Variants in NLRC5 observed in about 807,000 individuals in gnomAD.
The protein encoded by NLRC5 is protein NLRC5.
NLRC5 carries 114 observed loss-of-function variants against 206.9 expected under a neutral mutation model. The ratio of observed to expected loss-of-function variants is 0.55; its 90% CI spans 0.47 to 0.64. The LOEUF (loss-of-function observed/expected upper bound fraction) is 0.64. Among genes scored for constraint, NLRC5 ranks in the 30% least tolerant of loss-of-function variants. The pLI is 0.00. For missense variants in NLRC5, 2,008 were observed against 2,305.5 expected (o/e 0.87, Z 2.64); for synonymous variants, 952 against 962.8 (o/e 0.99, Z 0.21).
intron 1 of NLRC5, among the ~76,000 whole-genome samples, chr16:57,011,656 A>C (rs1389550773): frequency 6.6e-6 from 1 of 151,222 alleles, no homozygotes; most frequent in Non-Finnish European, 1.5e-5. Flanking sequence ...CAGGAGTAGG[A>C]GGCTGCATGA....
chr16:57,021,129 C>T, intron 3 of NLRC5, 122 bp downstream of exon 3: 1 of 850,962 alleles, frequency 1.2e-6, no homozygotes, highest in Non-Finnish European at 1.8e-6. Flanking sequence ...GATCTCAACT[C>T]TATATTTCTG....
intron 1 of NLRC5, among the ~76,000 whole-genome samples, chr16:56,991,678 C>CT (rs35559322): frequency 0.33 from 34,385 of 105,326 alleles, 6,075 homozygotes; most frequent in East Asian, 0.44. Context: ...GCCCGGACTC[C>CT]TTTTTTTTTT....
chr16:57,081,264 C>A, intron 47 of NLRC5, 83 bp downstream of exon 47: 1 of 1,342,842 alleles, frequency 7.4e-7, no homozygotes, highest in South Asian at 1.3e-5. Context: ...GGGTCAGTCC[C>A]CTGCCTCCCA....
chr16:57,028,827 T>C (rs1292402639), intron 8 of NLRC5, among the ~76,000 whole-genome samples: 1 of 152,230 alleles, frequency 6.6e-6, no homozygotes, highest in African/African-American at 2.4e-5. Context: ...TGTGCACATG[T>C]ATGCAGCGCA....
intron 11 of NLRC5, among the ~76,000 whole-genome samples, chr16:57,031,745 A>G (rs2143015123): frequency 6.8e-6 from 1 of 147,690 alleles, no homozygotes; most frequent in Middle Eastern, 3.4e-3. Context: ...TTAGACTGGC[A>G]TTACTAGATG....
rs557263259 is a variant in NLRC5 at position 57,061,443 on chromosome 16, C to A, written c.3987-5C>A. Reference sequence around the variant, plus strand: ...CCAGGCTCTGCCCTGGCTTTCTGCCCTCAGGCTAAGTGAGTGCAGCTTCCG... The same window carrying A: ...CCAGGCTCTGCCCTGGCTTTCTGCCATCAGGCTAAGTGAGTGCAGCTTCCG... On this transcript the variant is annotated splice_polypyrimidine_tract_variant and splice_region_variant and intron_variant, in intron 30 of 48. Coordinates refer to ENST00000688547, the MANE Select transcript of NLRC5 (RefSeq NM_001384950.1). 1.1e-5 allele frequency: 17 copies of A among 1,610,668 alleles called. 1 individual carries two copies. The South Asian group carries it at 1.9e-4, about 18-fold the overall frequency.
Position 57,057,665 on chromosome 16 carries a change from G to T in NLRC5, c.3747-400G>T, listed in dbSNP as rs541185157. Among the ~76,000 whole-genome samples, 5 of 152,330 alleles carry T rather than the reference G, an allele frequency of 3.3e-5. No individual in the cohort carries two copies. The South Asian group carries it at 1.0e-3, about 32-fold the overall frequency. On this transcript the variant is annotated intron_variant, in intron 27 of 48. Transcript: ENST00000688547. ...GTTTTTCTTTAACCCTTGAAAGCCTGCTGGAGGCACCTGAGCTATGAGTGG... is the reference window on the plus strand; with the variant it reads ...GTTTTTCTTTAACCCTTGAAAGCCTTCTGGAGGCACCTGAGCTATGAGTGG...
At position 57,081,154 on chromosome 16, in the gene NLRC5, C is replaced by T. The variant is rs1230550674; in HGVS notation, c.5378C>T (p.Pro1793Leu). ...GCTGCCGAGCTGGCCCAGGTGCTGC[C>T]GCAGATGGGCCGGCTGAAGAGAGTG... ...EAAAELAQVL[P>L]QMGRLKRVDL... Residue 1793 changes from proline to leucine, a missense_variant, in exon 47 of 49, where the codon CCG becomes CTG. Pro to Leu is a moderately conservative substitution (Grantham distance 98). Transcript: ENST00000688547. 7 of 1,544,152 alleles carry T rather than the reference C, an allele frequency of 4.5e-6. No homozygotes were observed. Among genetic ancestry groups the T allele is most frequent in the Non-Finnish European group, 6.1e-6 (7 of 1,147,650 alleles).
chr16:57,036,155 T>G lies in NLRC5; in HGVS notation c.2683T>G (p.Ser895Ala), dbSNP rs1224486095. 5 of 1,613,544 alleles carry G rather than the reference T, an allele frequency of 3.1e-6. No individual in the cohort carries two copies. The highest frequency in any genetic ancestry group is 4.2e-6 in the Non-Finnish European group (5 of 1,179,992). ...CTGTCGGCTGATGGCAGAGGCTGCATCCCAGCTGCACATCGCCAGGAAGCT... is the reference window on the plus strand; with the variant it reads ...CTGTCGGCTGATGGCAGAGGCTGCAGCCCAGCTGCACATCGCCAGGAAGCT... ...EGCRLMAEAA[S>A]QLHIARKLDL... Residue 895 changes from serine (S) to alanine (A), a missense_variant, in exon 14 of 49, where the codon TCC becomes GCC. Ser to Ala is a moderately conservative substitution (Grantham distance 99). Transcript: ENST00000688547.
intron 3 of NLRC5, 111 bp downstream of exon 3, chr16:57,021,118 CGA>C (rs2060624292): frequency 1.1e-6 from 1 of 907,306 alleles, no homozygotes. Flanking sequence ...AGCCCAGCCA[CGA>C]TCTCAACTCT....
chr16:57,015,302 G>A (rs1386306165), intron 1 of NLRC5, among the ~76,000 whole-genome samples: 2 of 152,098 alleles, frequency 1.3e-5, no homozygotes, highest in African/African-American at 4.8e-5. Context: ...CTTCGCAAAG[G>A]TCCCACTTCC....
At chr16:57,078,466 G>GTTCTTTTTTTTTTTTTTTTT (rs2068695119) in intron 43 of NLRC5, among the ~76,000 whole-genome samples, 1 of 92,188 alleles carries the variant, frequency 1.1e-5, no homozygotes, top group African/African-American at 5.0e-5. Flanking sequence ...CTGGGACCTT[G>GTTCTTTTTTTTTTTTTTTTT]TTTTTTTTTT....
At chr16:57,038,202 A>G (rs1353718365) in intron 15 of NLRC5, among the ~76,000 whole-genome samples, 2 of 152,218 alleles carry the variant, frequency 1.3e-5, no homozygotes, top group African/African-American at 4.8e-5. Flanking sequence ...TAGAAAAAAA[A>G]ATGATAATAT....
chr16:57,020,637 C>A, intron 2 of NLRC5, 64 bp from the exon 3 acceptor site: 1 of 1,092,366 alleles, frequency 9.2e-7, no homozygotes, highest in Non-Finnish European at 1.3e-6. Flanking sequence ...TCCCCTGTCC[C>A]TCAGCTCATC....
At chr16:57,059,602 T>A (rs2144610072) in intron 30 of NLRC5, 70 bp downstream of exon 30, 2 of 1,407,256 alleles carry the variant, frequency 1.4e-6, no homozygotes, top group Non-Finnish European at 1.9e-6. Context: ...GCGGCCTCCA[T>A]GGCCCCCTCT....
At position 57,047,826 on chromosome 16, in the gene NLRC5, C is replaced by T. The variant is rs2064208916; in HGVS notation, c.3422+198C>T. 9.6e-5 allele frequency: 58 copies of T among 604,056 alleles called. No individual in the cohort carries two copies. In the East Asian group the frequency reaches 1.6e-3, roughly 16 times the overall value. The allele number at this position is 604,056 out of a possible 1,614,324, so 37.4% of individuals were successfully genotyped here. ...CCCAGCCTTAGGCAGCGCATGTCTC[C>T]CACTGGGAGATGCTGTGCTGGACTG... On this transcript the variant is annotated intron_variant, in intron 23 of 48. Coordinates refer to ENST00000688547, the MANE Select transcript of NLRC5 (RefSeq NM_001384950.1).
intron 11 of NLRC5, among the ~76,000 whole-genome samples, chr16:57,032,436 T>C (rs904541890): frequency 5.3e-5 from 8 of 152,104 alleles, no homozygotes; most frequent in Admixed American, 4.6e-4. Context: ...TCCCTCTAAC[T>C]GCTTAAAGCT....
At chr16:57,080,206 C>T (rs182948248) in intron 46 of NLRC5, among the ~76,000 whole-genome samples, 4 of 152,222 alleles carry the variant, frequency 2.6e-5, no homozygotes, top group East Asian at 3.9e-4. Context: ...CAAGTGATTA[C>T]GAGAAGATTT....
chr16:57,042,100 G>C (rs1209166818), intron 19 of NLRC5, 35 bp downstream of exon 19: 9 of 1,366,928 alleles, frequency 6.6e-6, no homozygotes, highest in African/African-American at 6.0e-5. Context: ...TCTGAGGCTG[G>C]GGCAGGGGGG....
Sources: gnomAD v4.1 joint callset for allele counts (sites outside exome capture counted in the v4.1 genomes callset) on GRCh38, gnomAD v4.1.1 for gene constraint, MANE v1.5 for transcripts, NCBI Gene and HGNC (gene_info 2026-07-23, HGNC 2026-07-21) for gene names.